LONP2: variants seen among roughly 807,000 people sequenced by gnomAD.
LONP2 encodes lon peptidase 2, peroxisomal.
A neutral mutation model predicts 85.6 loss-of-function variants in LONP2; 60 were observed. That is an observed-to-expected ratio of 0.70 (90% CI 0.57 to 0.87). LONP2 has a LOEUF of 0.87. Ranked by LOEUF, LONP2 falls within the 40% of genes least tolerant of loss-of-function variation. The pLI is 0.00. For missense variants in LONP2, 860 were observed against 1,063.5 expected (o/e 0.81, Z 2.66); for synonymous variants, 395 against 389.7 (o/e 1.01, Z -0.16).
chr16:48,249,452 T>G (rs1971566851), intron 1 of LONP2, among the ~76,000 whole-genome samples: 1 of 152,258 alleles, frequency 6.6e-6, no homozygotes, highest in Non-Finnish European at 1.5e-5. Flanking sequence ...TTTATTTACC[T>G]GTTTGTATAT....
intron 6 of LONP2, among the ~76,000 whole-genome samples, chr16:48,263,281 A>T (rs562651994): frequency 1.3e-5 from 2 of 152,366 alleles, no homozygotes; most frequent in Admixed American, 6.5e-5. Flanking sequence ...TCTTTATAGT[A>T]GATCTCTAGA....
rs1214250966 is a variant in LONP2 at position 48,318,969 on chromosome 16, T to A, written c.1796-15247T>A. ...CTGCAAGAGAATCAAGTGCTTTTGA[T>A]CCTTTCAGCTTTTTTTTTTTTTGAC... is the stretch of plus-strand genomic sequence containing the variant. On this transcript the variant is annotated intron_variant, in intron 11 of 14. Transcript: ENST00000285737. 2.0e-5 allele frequency among the ~76,000 whole-genome samples: 3 copies of A among 150,984 alleles called. No individual in the cohort carries two copies. The South Asian group carries it at 6.2e-4, about 31-fold the overall frequency.
chr16:48,299,124 T>A (rs1596961761), intron 9 of LONP2, among the ~76,000 whole-genome samples: 2 of 151,932 alleles, frequency 1.3e-5, no homozygotes, highest in African/African-American at 4.8e-5. Flanking sequence ...ACTCTTAAGT[T>A]CAAGTGATCC....
chr16:48,244,683 C>T (rs972144900), intron 1 of LONP2, 62 bp downstream of exon 1: 49 of 1,174,674 alleles, frequency 4.2e-5, no homozygotes, highest in Non-Finnish European at 5.1e-5. Flanking sequence ...GACCTGGGCC[C>T]AGGCCACGGC....
At chr16:48,262,944 A>G (rs1294020518) in intron 6 of LONP2, 72 bp downstream of exon 6, 10 of 943,994 alleles carry the variant, frequency 1.1e-5, no homozygotes, top group Middle Eastern at 2.5e-4. Flanking sequence ...TTTCATTTCA[A>G]ATTTACTCCA....
At chr16:48,343,866 TAAC>T (rs1489587840) in intron 12 of LONP2, 1 of 152,178 alleles carries the variant, frequency 6.6e-6, no homozygotes, top group Non-Finnish European at 1.5e-5. Context: ...AAGTGAATCA[TAAC>T]AACTGTACAG....
At chr16:48,340,292 G>T (rs1959774916) in intron 12 of LONP2, among the ~76,000 whole-genome samples, 2 of 152,282 alleles carry the variant, frequency 1.3e-5, no homozygotes, top group South Asian at 4.1e-4. Flanking sequence ...TTATCACAGA[G>T]TTCAAATTTG....
At chr16:48,262,952 C>T in intron 6 of LONP2, 80 bp downstream of exon 6, 3 of 874,336 alleles carry the variant, frequency 3.4e-6, no homozygotes, top group Admixed American at 2.5e-5. Flanking sequence ...CAAATTTACT[C>T]CACTGATTGT....
intron 6 of LONP2, among the ~76,000 whole-genome samples, chr16:48,269,686 A>G (rs1049017268): frequency 1.3e-5 from 2 of 152,180 alleles, no homozygotes; most frequent in Non-Finnish European, 2.9e-5. Context: ...AAGGAAAAAA[A>G]TCACCCTTTT....
At chr16:48,285,605 A>C (rs1481351164) in intron 8 of LONP2, among the ~76,000 whole-genome samples, 1 of 152,140 alleles carries the variant, frequency 6.6e-6, no homozygotes, top group East Asian at 1.9e-4. Context: ...TTCTTCTGCC[A>C]GCTGAAATTG....
intron 6 of LONP2, among the ~76,000 whole-genome samples, chr16:48,265,544 T>C (rs1209195170): frequency 6.6e-6 from 1 of 151,474 alleles, no homozygotes; most frequent in Middle Eastern, 3.2e-3. Flanking sequence ...ACTTTATAGG[T>C]TTATTTCTGG....
chr16:48,341,964 G>A (rs905069798), intron 12 of LONP2, among the ~76,000 whole-genome samples: 2 of 152,138 alleles, frequency 1.3e-5, no homozygotes, highest in Non-Finnish European at 2.9e-5. Context: ...TCTGTCACTG[G>A]GAGACAGAAT....
Position 48,362,504 on chromosome 16 carries a change from G to T in LONP2, c.*641G>T. The T allele has an allele frequency of 7.0e-7, 1 of 1,438,262 alleles. No homozygotes were observed. The highest frequency in any genetic ancestry group is 9.6e-7 in the Non-Finnish European group (1 of 1,044,706). The allele number at this position is 1,438,262 out of a possible 1,614,324, so 89.1% of individuals were successfully genotyped here. On this transcript the variant is annotated 3_prime_UTR_variant, in exon 5 of 5. Transcript: ENST00000565867. The surrounding 1 kb of genome is among the most constrained non-coding windows in gnomAD (Gnocchi z 4.2). ...CTTACTTTATAAATAATGTTTACAT[G>T]CCATAAGTCCTTTTAAAGTTTCATA...
intron 6 of LONP2, among the ~76,000 whole-genome samples, chr16:48,264,653 G>A (rs1567313602): frequency 6.6e-6 from 1 of 152,172 alleles, no homozygotes; most frequent in Admixed American, 6.5e-5. Flanking sequence ...AGTAAAGACA[G>A]GCATAGGAAA....
At chr16:48,309,847 C>T (rs896749957) in intron 11 of LONP2, among the ~76,000 whole-genome samples, 3 of 151,986 alleles carry the variant, frequency 2.0e-5, no homozygotes, top group Non-Finnish European at 2.9e-5. Context: ...CTGTAAATGT[C>T]TGTTAGGTCC....
downstream of LONP2, among the ~76,000 whole-genome samples, chr16:48,358,827 T>TA (rs1193278580): frequency 3.3e-5 from 5 of 151,764 alleles, no homozygotes; most frequent in Admixed American, 6.6e-5. Flanking sequence ...TACATACACA[T>TA]AAAAAAAACT....
intron 13 of LONP2, 87 bp from the exon 14 acceptor site, chr16:48,348,013 T>A (rs1391668485): frequency 7.3e-6 from 9 of 1,238,682 alleles, no homozygotes; most frequent in African/African-American, 1.5e-5. Flanking sequence ...ACCCAAAACA[T>A]TCATTTTTGT....
intron 6 of LONP2, 76 bp from the exon 7 acceptor site, chr16:48,269,940 C>A: frequency 6.8e-7 from 1 of 1,468,884 alleles, no homozygotes; most frequent in Non-Finnish European, 9.2e-7. Flanking sequence ...ATATTTTGCC[C>A]TCGTCATGCT....
intron 11 of LONP2, among the ~76,000 whole-genome samples, chr16:48,326,974 T>A (rs1567343341): frequency 2.0e-5 from 3 of 152,256 alleles, no homozygotes; most frequent in Admixed American, 2.0e-4. Context: ...CAGAGGAGTC[T>A]GTCCCTATAG....
Sources: allele counts gnomAD v4.1 joint callset (sites outside exome capture counted in the v4.1 genomes callset), GRCh38; gene constraint gnomAD v4.1.1; non-coding constraint Gnocchi (gnomAD v3.1); transcripts MANE v1.5; gene names NCBI Gene and HGNC (gene_info 2026-07-23, HGNC 2026-07-21).